The following FAAH2 variants were observed in gnomAD, a reference collection of about 807,000 sequenced individuals.
FAAH2 encodes the protein fatty-acid amide hydrolase 2.
FAAH2 carries 60 observed loss-of-function variants against 36.9 expected under a neutral mutation model. The ratio of observed to expected loss-of-function variants is 1.63; its 90% CI spans 1.32 to 2.02. The LOEUF is 2.02. FAAH2 is among the 30% of genes most tolerant of loss of function. The pLI is 0.00. For synonymous variants in FAAH2, 214 were observed against 143.8 expected, an observed-to-expected ratio of 1.49 and a Z score of -3.49; for missense variants, 689 against 397.5, an observed-to-expected ratio of 1.73 and a Z score of -6.23.
chrX:57,305,174 C>A (rs1211311560), intron 2 of FAAH2, among the ~76,000 whole-genome samples: 1 of 110,456 alleles, frequency 9.1e-6, no homozygotes, highest in Non-Finnish European at 1.9e-5. Context: ...ACTCCTGGAA[C>A]TTTGTCTGCA....
chrX:57,221,700 T>A, the FAAH2 span, among the ~76,000 whole-genome samples: 1 of 111,183 alleles, frequency 9.0e-6, no homozygotes, highest in African/African-American at 3.3e-5. Context: ...CCGATACCAC[T>A]CATTTTTCTG....
chrX:57,404,054 G>T lies in FAAH2; in HGVS notation c.996+23025G>T, dbSNP rs745385341. 7.1e-5 allele frequency among the ~76,000 whole-genome samples: 8 copies of T among 112,489 alleles called. No homozygotes were observed. In the East Asian group the frequency reaches 2.0e-3, roughly 27 times the overall value. ...TCTACTTTCTTCTGTTAGCAAAGCAGTTGCTGCTACAGAATGAATGCATTT... is the reference window on the plus strand; with the variant it reads ...TCTACTTTCTTCTGTTAGCAAAGCATTTGCTGCTACAGAATGAATGCATTT... On this transcript the variant is annotated intron_variant, in intron 7 of 10. Transcript: ENST00000374900.
chrX:57,279,843 C>G, the FAAH2 span, among the ~76,000 whole-genome samples: 46 of 111,478 alleles, frequency 4.1e-4, no homozygotes, highest in African/African-American at 1.5e-3. Flanking sequence ...GAACATACTT[C>G]AAAATAATGA....
At chrX:57,423,486 C>G (rs1252917877) in intron 7 of FAAH2, among the ~76,000 whole-genome samples, 1 of 111,734 alleles carries the variant, frequency 8.9e-6, no homozygotes. Context: ...TGTGTCTCGT[C>G]TGGCTGTTTT....
chrX:57,149,701 A>G, the FAAH2 span, among the ~76,000 whole-genome samples: 1 of 111,297 alleles, frequency 9.0e-6, no homozygotes, highest in African/African-American at 3.3e-5. Context: ...ATCTTTTCAA[A>G]AAAACAGCTC....
intron 3 of FAAH2, among the ~76,000 whole-genome samples, chrX:57,313,846 C>A (rs1403544917): frequency 9.0e-6 from 1 of 110,692 alleles, no homozygotes; most frequent in Non-Finnish European, 1.9e-5. Context: ...ACTATGCAGT[C>A]AAGTCTATAT....
chrX:57,267,020 C>T, the FAAH2 span, among the ~76,000 whole-genome samples: 1 of 111,911 alleles, frequency 8.9e-6, no homozygotes, highest in African/African-American at 3.2e-5. Context: ...GGGGCCCCAT[C>T]CTGGCCATGC....
intron 2 of FAAH2, 145 bp from the exon 3 acceptor site, chrX:57,310,448 A>G: frequency 1.0e-5 from 6 of 591,056 alleles, no homozygotes; most frequent in Non-Finnish European, 1.5e-5. Context: ...CACTGGCTCA[A>G]ATGGTCAGCT....
intron 7 of FAAH2, among the ~76,000 whole-genome samples, chrX:57,407,288 G>A (rs2055589834): frequency 8.9e-6 from 1 of 111,830 alleles, no homozygotes; most frequent in Non-Finnish European, 1.9e-5. Flanking sequence ...AACCTTTATG[G>A]CACCTTCCAC....
At chrX:57,353,493 A>AAAG (rs1336339478) in intron 5 of FAAH2, among the ~76,000 whole-genome samples, 8 of 106,498 alleles carry the variant, frequency 7.5e-5, no homozygotes, top group African/African-American at 2.1e-4. Context: ...TTATTAAAAA[A>AAAG]AAAAAAAGAA....
At chrX:57,433,969 T>G (rs1212695836) in intron 8 of FAAH2, among the ~76,000 whole-genome samples, 1 of 111,272 alleles carries the variant, frequency 9.0e-6, no homozygotes, top group African/African-American at 3.3e-5. Flanking sequence ...TATAACACTC[T>G]CAAATTAAAA....
At chrX:57,204,340 C>A in the FAAH2 span, among the ~76,000 whole-genome samples, 3 of 110,727 alleles carry the variant, frequency 2.7e-5, no homozygotes, top group South Asian at 8.1e-4. Context: ...TTATTGCCAG[C>A]CAAGGTTGAT....
chrX:57,337,491 A>T (rs1297843075), intron 4 of FAAH2, among the ~76,000 whole-genome samples: 1 of 111,999 alleles, frequency 8.9e-6, no homozygotes, highest in Non-Finnish European at 1.9e-5. Context: ...GATGAACATC[A>T]ATGCAAAAAC....
intron 7 of FAAH2, among the ~76,000 whole-genome samples, chrX:57,388,760 A>G (rs1234504966): frequency 9.0e-6 from 1 of 111,105 alleles, no homozygotes; most frequent in Non-Finnish European, 1.9e-5. Context: ...TCACTTATTT[A>G]TTCATACATT....
chrX:57,451,790 T>A (rs1018850837), intron 10 of FAAH2, among the ~76,000 whole-genome samples: 1 of 111,672 alleles, frequency 9.0e-6, no homozygotes, highest in Non-Finnish European at 1.9e-5. Flanking sequence ...TGCTAAAAAC[T>A]GCAAAAAAAA....
chrX:57,189,725 A>G, the FAAH2 span, among the ~76,000 whole-genome samples: 3 of 111,769 alleles, frequency 2.7e-5, no homozygotes, highest in Non-Finnish European at 3.8e-5. Context: ...GGGCTGCAGA[A>G]CAACAAAGAT....
the FAAH2 span, among the ~76,000 whole-genome samples, chrX:57,139,295 A>G: frequency 8.9e-6 from 1 of 112,399 alleles, no homozygotes; most frequent in Non-Finnish European, 1.9e-5. Context: ...TTTCCCAACA[A>G]CATTTATTAC....
the FAAH2 span, among the ~76,000 whole-genome samples, chrX:57,159,493 G>C: frequency 3.6e-5 from 4 of 110,944 alleles, no homozygotes; most frequent in Non-Finnish European, 3.8e-5. Context: ...TCTTCCATTT[G>C]TTTGTATCCT....
intron 7 of FAAH2, chrX:57,393,742 T>C: frequency 2.0e-6 from 2 of 1,014,731 alleles, no homozygotes; most frequent in Non-Finnish European, 2.8e-6. Context: ...CAGCCATAAT[T>C]TCACTGGCCA....
Sources: allele counts gnomAD v4.1 joint callset (sites outside exome capture counted in the v4.1 genomes callset), GRCh38; gene constraint gnomAD v4.1.1; transcripts MANE v1.5; gene names NCBI Gene and HGNC (gene_info 2026-07-23, HGNC 2026-07-21).